RFX3: variants seen among roughly 807,000 people sequenced by gnomAD.
The protein encoded by RFX3 is transcription factor RFX3.
In RFX3, 14 loss-of-function variants were observed where a neutral mutation model predicts 98.6. The ratio of observed to expected loss-of-function variants is 0.14; its 90% CI spans 0.09 to 0.22. The LOEUF is 0.22. RFX3 is among the 10% of genes least tolerant of loss of function. RFX3 has a pLI of 1.00. For synonymous variants in RFX3, 383 were observed against 328.4 expected (o/e 1.17, Z -1.80); for missense variants, 639 against 926.9 (o/e 0.69, Z 4.03).
chr9:3,396,120 T>C (rs897149721), intron 1 of RFX3, among the ~76,000 whole-genome samples: 3 of 151,934 alleles, frequency 2.0e-5, no homozygotes, highest in Non-Finnish European at 2.9e-5. Context: ...ACGTGTGCCA[T>C]GTTGGTGTGC....
At chr9:3,375,955 A>C (rs1838432928) in intron 2 of RFX3, among the ~76,000 whole-genome samples, 1 of 151,996 alleles carries the variant, frequency 6.6e-6, no homozygotes, top group East Asian at 1.9e-4. Context: ...GCGAGACTCC[A>C]TCTCCAAAAA....
At chr9:3,336,127 T>C (rs1010512399) in intron 3 of RFX3, among the ~76,000 whole-genome samples, 1 of 152,146 alleles carries the variant, frequency 6.6e-6, no homozygotes, top group African/African-American at 2.4e-5. Flanking sequence ...GGAAATAAAA[T>C]AGCATGTAAA....
At chr9:3,429,142 C>T (rs1379667016) in intron 1 of RFX3, among the ~76,000 whole-genome samples, 10 of 151,028 alleles carry the variant, frequency 6.6e-5, no homozygotes, top group Non-Finnish European at 1.3e-4. Flanking sequence ...CCTGCCTCAG[C>T]CTCCCAAGTA....
At position 3,487,593 on chromosome 9, in the gene RFX3, A is replaced by G. The variant is rs182543579; in HGVS notation, c.-9+38154T>C. Among the ~76,000 whole-genome samples the G allele has an allele frequency of 4.7e-3, 720 of 152,310 alleles. 1 individual carries two copies. The highest frequency in any genetic ancestry group is 0.016 in the African/African-American group (680 of 41,572). ...TTGATCATCACTTCTAGCAACTGCAATAACAAAAAGAGAGGTATAGATTAC... is the reference window on the plus strand; with the variant it reads ...TTGATCATCACTTCTAGCAACTGCAGTAACAAAAAGAGAGGTATAGATTAC... On this transcript the variant is annotated intron_variant, in intron 1 of 16. Transcript: ENST00000617270.
intron 1 of RFX3, among the ~76,000 whole-genome samples, chr9:3,449,080 C>G (rs948352643): frequency 6.6e-6 from 1 of 152,106 alleles, no homozygotes; most frequent in African/African-American, 2.4e-5. Flanking sequence ...TTTTCAACCC[C>G]CTCTGTACCT....
chr9:3,226,839 G>A (rs1817834638), intron 16 of RFX3, among the ~76,000 whole-genome samples: 1 of 152,108 alleles, frequency 6.6e-6, no homozygotes, highest in South Asian at 2.1e-4. Context: ...ACTCTTCATG[G>A]TGGCAGTCTC....
chr9:3,428,161 T>C (rs1844296695), intron 1 of RFX3, among the ~76,000 whole-genome samples: 1 of 152,146 alleles, frequency 6.6e-6, no homozygotes, highest in Non-Finnish European at 1.5e-5. Context: ...GAAGAATCAA[T>C]CCAGCATCAA....
intron 4 of RFX3, among the ~76,000 whole-genome samples, chr9:3,311,834 A>G (rs1417195841): frequency 1.3e-5 from 2 of 148,972 alleles, no homozygotes; most frequent in African/African-American, 5.0e-5. Context: ...CAGTGAGCCA[A>G]GATTGCACCA....
chr9:3,367,033 A>G lies in RFX3; in HGVS notation c.118-20269T>C, dbSNP rs1266675126. 3.3e-5 allele frequency among the ~76,000 whole-genome samples: 5 copies of G among 152,232 alleles called. No homozygotes were observed. The East Asian group carries it at 9.6e-4, about 29-fold the overall frequency. On this transcript the variant is annotated intron_variant, in intron 2 of 16. Coordinates refer to ENST00000617270, the MANE Select transcript of RFX3 (RefSeq NM_001282116.2). Reference sequence around the variant, plus strand: ...TAATAGATTTCAAAGTGGTAGGGTAAGGAGAATTCTAAAAATGCCTCCCCC... The same window carrying G: ...TAATAGATTTCAAAGTGGTAGGGTAGGGAGAATTCTAAAAATGCCTCCCCC...
At chr9:3,379,543 T>G (rs894968384) in intron 2 of RFX3, among the ~76,000 whole-genome samples, 1 of 152,212 alleles carries the variant, frequency 6.6e-6, no homozygotes, top group Non-Finnish European at 1.5e-5. Flanking sequence ...AAAAAGATCA[T>G]AGGCAAATAT....
At chr9:3,464,652 TG>T (rs1038948104) in intron 1 of RFX3, among the ~76,000 whole-genome samples, 10 of 152,098 alleles carry the variant, frequency 6.6e-5, no homozygotes, top group Non-Finnish European at 1.3e-4. Context: ...AACAAACTTG[TG>T]GGGGTGATGG....
intron 9 of RFX3, among the ~76,000 whole-genome samples, chr9:3,271,496 C>T (rs1329917987): frequency 6.7e-6 from 1 of 148,506 alleles, no homozygotes; most frequent in East Asian, 2.0e-4. Flanking sequence ...CTTCCCTTCC[C>T]CTTCCTTCCT....
At chr9:3,416,135 G>T (rs952912858) in intron 1 of RFX3, among the ~76,000 whole-genome samples, 3 of 152,102 alleles carry the variant, frequency 2.0e-5, no homozygotes, top group African/African-American at 7.2e-5. Context: ...ATCTTTACAT[G>T]ACAAGTATAT....
intron 3 of RFX3, among the ~76,000 whole-genome samples, chr9:3,341,069 C>A (rs1160297171): frequency 6.6e-6 from 1 of 152,166 alleles, no homozygotes; most frequent in Non-Finnish European, 1.5e-5. Flanking sequence ...GAATACTATG[C>A]AGCCATAAAA....
At chr9:3,417,317 A>T (rs950750785) in intron 1 of RFX3, among the ~76,000 whole-genome samples, 1 of 152,120 alleles carries the variant, frequency 6.6e-6, no homozygotes, top group Admixed American at 6.5e-5. Flanking sequence ...TTTGAACAGC[A>T]TCTATCAATT....
At chr9:3,463,639 T>C (rs1274931204) in intron 1 of RFX3, among the ~76,000 whole-genome samples, 4 of 151,902 alleles carry the variant, frequency 2.6e-5, no homozygotes, top group African/African-American at 9.7e-5. Context: ...TAAATATATA[T>C]ACAGAACTCA....
chr9:3,406,430 C>A (rs554441602), intron 1 of RFX3, among the ~76,000 whole-genome samples: 2 of 152,146 alleles, frequency 1.3e-5, no homozygotes, highest in East Asian at 3.9e-4. Flanking sequence ...AAGTCCGAAT[C>A]TAGTGTCCTC....
chr9:3,300,244 A>G (rs547788975), intron 5 of RFX3, among the ~76,000 whole-genome samples: 3 of 151,894 alleles, frequency 2.0e-5, no homozygotes, highest in African/African-American at 7.2e-5. Context: ...GAAAAAACTT[A>G]TATTTCTTAA....
rs1290615564 is a variant in RFX3, at chr9:3,224,592, T to C, written c.*450A>G. Reference sequence around the variant, plus strand: ...AAGCACCTTTCAAAAGCAAATTTGATGCATCTGCTGCCAAATGGGCATGCC... The same window carrying C: ...AAGCACCTTTCAAAAGCAAATTTGACGCATCTGCTGCCAAATGGGCATGCC... On this transcript the variant is annotated 3_prime_UTR_variant, in exon 17 of 17. Coordinates refer to ENST00000617270, the MANE Select transcript of RFX3 (RefSeq NM_001282116.2). 1.2e-5 allele frequency: 2 copies of C among 161,216 alleles called. No homozygotes were observed. The highest frequency in any genetic ancestry group is 1.8e-4 in the East Asian group (1 of 5,460). 10.0% of individuals were successfully genotyped at this position (161,216 alleles called of 1,614,324 possible).
Sources: gnomAD v4.1 joint callset for allele counts (sites outside exome capture counted in the v4.1 genomes callset) on GRCh38, gnomAD v4.1.1 for gene constraint, MANE v1.5 for transcripts, NCBI Gene and HGNC (gene_info 2026-07-23, HGNC 2026-07-21) for gene names.